The following HSD17B4 variants were observed in gnomAD, a reference collection of about 807,000 sequenced individuals.
HSD17B4 encodes hydroxysteroid 17-beta dehydrogenase 4.
In HSD17B4, 70 loss-of-function variants were observed where a neutral mutation model predicts 101.0. That is an observed-to-expected ratio of 0.69 (90% CI 0.57 to 0.85). The LOEUF (loss-of-function observed/expected upper bound fraction) is 0.85, where lower values mean the gene tolerates loss of function less well. HSD17B4 is among the 40% of genes least tolerant of loss of function. HSD17B4 has a pLI of 0.00. For missense variants in HSD17B4, 984 were observed against 892.4 expected (o/e 1.10, Z -1.31); for synonymous variants, 347 against 297.1 (o/e 1.17, Z -1.73).
rs1554059875 is a variant in HSD17B4 at position 119,455,568 on chromosome 5, C to CTATATATA, written c.59-738_59-731dup. 2.6e-3 allele frequency among the ~76,000 whole-genome samples: 350 copies of CTATATATA among 136,452 alleles called. 2 individuals carry two copies. Among genetic ancestry groups the CTATATATA allele is most frequent in the Middle Eastern group, 7.2e-3 (2 of 276 alleles). The allele number at this position is 136,452 out of a possible 152,430, so 89.5% of individuals were successfully genotyped here. A position where few individuals can be genotyped will look rare whatever the true frequency, so the allele number is the denominator to read the frequency against. ...TCTCTCTCTCTCTCTCTCTCTCTCT[C>CTATATATA]TATATATATATATATAATTTCTTTT... is the stretch of plus-strand genomic sequence containing the variant. On this transcript the variant is annotated intron_variant, in intron 1 of 23. Coordinates refer to ENST00000510025, the MANE Select transcript of HSD17B4 (RefSeq NM_000414.4).
intron 2 of HSD17B4, among the ~76,000 whole-genome samples, chr5:119,462,283 TG>T (rs1755331484): frequency 4.0e-5 from 5 of 124,768 alleles, no homozygotes; most frequent in South Asian, 5.9e-4. Flanking sequence ...TTTTTTTTTT[TG>T]CTTAGTGGAA....
intron 14 of HSD17B4, among the ~76,000 whole-genome samples, chr5:119,505,773 T>A (rs771289027): frequency 2.0e-5 from 3 of 151,858 alleles, no homozygotes; most frequent in Non-Finnish European, 4.4e-5. Flanking sequence ...TGGGTAGGAG[T>A]TGCAGTATTG....
intron 23 of HSD17B4, among the ~76,000 whole-genome samples, chr5:119,537,622 G>A (rs1443656929): frequency 6.6e-6 from 1 of 152,172 alleles, no homozygotes; most frequent in Non-Finnish European, 1.5e-5. Flanking sequence ...GTAAGCCTGA[G>A]TATAGTGTTA....
chr5:119,485,776 A>G lies in HSD17B4; in HGVS notation c.623-3416A>G, dbSNP rs535434110. On this transcript the variant is annotated intron_variant, in intron 8 of 23. Transcript: ENST00000510025. Reference sequence around the variant, plus strand: ...CATGTTTCTTACATGAAATAAAATAAAACCCTATAATGAGTATCCAGGAAC... The same window carrying G: ...CATGTTTCTTACATGAAATAAAATAGAACCCTATAATGAGTATCCAGGAAC... 4.6e-5 allele frequency among the ~76,000 whole-genome samples: 7 copies of G among 152,310 alleles called. No homozygotes were observed. In the East Asian group the frequency reaches 1.4e-3, roughly 29 times the overall value.
intron 14 of HSD17B4, among the ~76,000 whole-genome samples, chr5:119,506,149 A>T (rs190331060): frequency 6.6e-6 from 1 of 151,796 alleles, no homozygotes; most frequent in African/African-American, 2.4e-5. Context: ...TATTTCTCCT[A>T]ATGTTATCCC....
intron 23 of HSD17B4, among the ~76,000 whole-genome samples, chr5:119,540,393 A>ATTTTCTT: frequency 1.3e-5 from 2 of 152,288 alleles, no homozygotes; most frequent in Admixed American, 6.5e-5. Context: ...GGGCTTTAAG[A>ATTTTCTT]AATAAGAAAA....
At chr5:119,481,425 T>C (rs1021783355) in intron 8 of HSD17B4, among the ~76,000 whole-genome samples, 1 of 152,184 alleles carries the variant, frequency 6.6e-6, no homozygotes, top group Non-Finnish European at 1.5e-5. Context: ...GAATTCTCTG[T>C]TGGTGGCTTT....
At chr5:119,469,416 G>A (rs777831416) in intron 2 of HSD17B4, among the ~76,000 whole-genome samples, 3 of 152,016 alleles carry the variant, frequency 2.0e-5, no homozygotes, top group South Asian at 4.2e-4. Flanking sequence ...GTACAGTGGC[G>A]CGGTCTCGGC....
intron 22 of HSD17B4, among the ~76,000 whole-genome samples, chr5:119,531,630 T>C (rs770165720): frequency 3.3e-5 from 5 of 151,316 alleles, no homozygotes; most frequent in Non-Finnish European, 5.9e-5. Context: ...AGGGAATCAA[T>C]TGAAATGAAA....
chr5:119,499,466 G>C lies in HSD17B4; in HGVS notation c.1122G>C (p.Leu374Phe). The stretch of plus-strand genomic sequence containing the variant: ...AAGGAAGTTCTGATTTCTCCTGTTT[G>C]CCCACCTTCGGAGTTATCATAGGTC... ...IYEGSSDFSC[L>F]PTFGVIIGQK... The change falls in exon 13 of 24, where the codon TTG becomes TTC. Residue 374 changes from leucine to phenylalanine, a missense_variant. Physicochemically the swap from Leu to Phe is conservative, Grantham distance 22. Transcript: ENST00000510025. The C allele has an allele frequency of 6.2e-7, 1 of 1,613,770 alleles. No individual in the cohort carries two copies. Among genetic ancestry groups the C allele is most frequent in the Middle Eastern group, 1.7e-4 (1 of 6,056 alleles).
At chr5:119,453,211 C>T (rs1754258336) in intron 1 of HSD17B4, among the ~76,000 whole-genome samples, 15 of 152,162 alleles carry the variant, frequency 9.9e-5, no homozygotes, top group Admixed American at 8.5e-4. Context: ...AATCTGTTCT[C>T]GAAATCCACT....
intron 17 of HSD17B4, among the ~76,000 whole-genome samples, chr5:119,523,865 C>T (rs1036953328): frequency 6.6e-6 from 1 of 152,016 alleles, no homozygotes; most frequent in African/African-American, 2.4e-5. Context: ...GCAATTGAGG[C>T]TTCGAATGGT....
chr5:119,462,681 A>G (rs556433385), intron 2 of HSD17B4, among the ~76,000 whole-genome samples: 1 of 152,238 alleles, frequency 6.6e-6, no homozygotes, highest in Non-Finnish European at 1.5e-5. Flanking sequence ...TTCTTTCTAT[A>G]TCTAAGCTTT....
chr5:119,529,460 C>T (rs1042378307), intron 20 of HSD17B4, among the ~76,000 whole-genome samples: 1 of 152,106 alleles, frequency 6.6e-6, no homozygotes, highest in Non-Finnish European at 1.5e-5. Flanking sequence ...GTACCATTAC[C>T]TCATGTGGCT....
chr5:119,538,779 T>A (rs980708430), intron 23 of HSD17B4, among the ~76,000 whole-genome samples: 2 of 152,116 alleles, frequency 1.3e-5, no homozygotes, highest in Non-Finnish European at 2.9e-5. Flanking sequence ...TCCTAGCTGT[T>A]TGCATGGCTG....
At chr5:119,494,017 A>G in intron 11 of HSD17B4, 71 bp downstream of exon 11, 1 of 1,500,502 alleles carries the variant, frequency 6.7e-7, no homozygotes, top group Middle Eastern at 2.1e-4. Context: ...TCTCTTATGT[A>G]GTTGTCTTCT....
Position 119,456,735 on chromosome 5 carries a change from A to G in HSD17B4, c.112+367A>G, listed in dbSNP as rs1030773185. 3.5e-5 allele frequency: 9 copies of G among 255,382 alleles called. No individual in the cohort carries two copies. The South Asian group carries it at 4.5e-4, about 13-fold the overall frequency. The allele number at this position is 255,382 out of a possible 1,614,324, so 15.8% of individuals were successfully genotyped here. On this transcript the variant is annotated intron_variant, in intron 2 of 23. Coordinates refer to ENST00000510025, the MANE Select transcript of HSD17B4 (RefSeq NM_000414.4). ...GCACTCCAATCTGGGTGATGGCGCA[A>G]AAAAAACCCTGTTTCTCACAGAAAA...
chr5:119,477,635 G>T, intron 7 of HSD17B4, 134 bp downstream of exon 7: 1 of 734,644 alleles, frequency 1.4e-6, no homozygotes, highest in African/African-American at 1.7e-5. Flanking sequence ...TTTAACATAT[G>T]GTTTTGGCAC....
In HSD17B4 at chr5:119,515,024, C is replaced by G. The variant is rs1286819719; in HGVS notation, c.1481C>G (p.Thr494Arg). Residue 494 changes from threonine to arginine, a missense_variant, in exon 17 of 24, where the codon ACA becomes AGA. Physicochemically the swap from Thr to Arg is moderately conservative, Grantham distance 71 (BLOSUM62 -1). Transcript: ENST00000510025. ...AATAGACCTCCTGATGCTGTACTTA[C>G]AGATACCACCTCTCTTAATCAGGTA... The part of the protein sequence containing the change: ...IPNRPPDAVL[T>R]DTTSLNQAAL... The G allele has an allele frequency of 1.9e-6, 3 of 1,582,412 alleles. No homozygotes were observed. The highest frequency in any genetic ancestry group is 1.1e-5 in the South Asian group (1 of 90,420).
Sources: allele counts gnomAD v4.1 joint callset (sites outside exome capture counted in the v4.1 genomes callset), GRCh38; gene constraint gnomAD v4.1.1; transcripts MANE v1.5; gene names NCBI Gene and HGNC (gene_info 2026-07-23, HGNC 2026-07-21).